TNRC6B: variants seen among roughly 807,000 people sequenced by gnomAD.
TNRC6B encodes trinucleotide repeat-containing gene 6B protein.
In TNRC6B, 52 loss-of-function variants were observed where a neutral mutation model predicts 203.6. The ratio of observed to expected loss-of-function variants is 0.26; its 90% CI spans 0.20 to 0.32. The LOEUF (loss-of-function observed/expected upper bound fraction) is 0.32, where lower values mean the gene tolerates loss of function less well. Among genes scored for constraint, TNRC6B ranks in the 10% least tolerant of loss-of-function variants. The pLI is 1.00. For synonymous variants in TNRC6B, 838 were observed against 845.7 expected (o/e 0.99, Z 0.16); for missense variants, 1,923 against 2,286.2 (o/e 0.84, Z 3.24).
chr22:40,296,059 A>T (rs1601499573), intron 12 of TNRC6B, among the ~76,000 whole-genome samples: 1 of 152,214 alleles, frequency 6.6e-6, no homozygotes, highest in South Asian at 2.1e-4. Context: ...AAAGAGGAAA[A>T]CATATTGGGG....
intron 15 of TNRC6B, chr22:40,301,578 C>CT (rs1393047828): frequency 4.1e-5 from 20 of 485,804 alleles, no homozygotes; most frequent in Admixed American, 3.4e-4. Flanking sequence ...AGCAGTCTTC[C>CT]TTTTTTTTGT....
At chr22:40,132,942 T>TGAAAAATAAAAAATA in intron 3 of TNRC6B, among the ~76,000 whole-genome samples, 1 of 15,310 alleles carries the variant, frequency 6.5e-5, no homozygotes, top group East Asian at 2.3e-3. Flanking sequence ...AGACTCTGTC[T>TGAAAAATAAAAAATA]CAAAAAAAAA....
chr22:40,048,396 C>T (rs1335524151), intron 1 of TNRC6B, among the ~76,000 whole-genome samples: 2 of 152,054 alleles, frequency 1.3e-5, no homozygotes, highest in African/African-American at 2.4e-5. Context: ...AAAAAATTAG[C>T]CGGGTGTGGC....
chr22:40,092,742 C>T (rs1316285270), intron 1 of TNRC6B, among the ~76,000 whole-genome samples: 1 of 152,210 alleles, frequency 6.6e-6, no homozygotes, highest in Non-Finnish European at 1.5e-5. Flanking sequence ...ATGCCGGCCT[C>T]TGGTCTTCAA....
At chr22:40,244,474 T>G (rs1242085824) in intron 1 of TNRC6B, among the ~76,000 whole-genome samples, 1 of 152,184 alleles carries the variant, frequency 6.6e-6, no homozygotes, top group Non-Finnish European at 1.5e-5. Context: ...TCTTTTTTTT[T>G]TTTTCTATAA....
intron 8 of TNRC6B, 32 bp from the exon 9 acceptor site, chr22:40,277,967 T>A: frequency 6.6e-7 from 1 of 1,512,552 alleles, no homozygotes; most frequent in Non-Finnish European, 9.0e-7. Context: ...TGTGCATCCT[T>A]AATTCTCTCT....
chr22:40,082,067 T>C (rs755118417), intron 1 of TNRC6B, among the ~76,000 whole-genome samples: 4 of 152,192 alleles, frequency 2.6e-5, no homozygotes, highest in Non-Finnish European at 4.4e-5. Context: ...TAGTCTCTAT[T>C]CATTGATGCT....
intron 1 of TNRC6B, among the ~76,000 whole-genome samples, chr22:40,220,480 AG>A (rs931177622): frequency 1.2e-4 from 17 of 144,530 alleles, no homozygotes; most frequent in Admixed American, 7.5e-4. Flanking sequence ...GGTGGGGAGG[AG>A]GGGGGGAGGG....
chr22:40,154,858 AAAATATATATATATAT>A (rs1175575559), intron 3 of TNRC6B, among the ~76,000 whole-genome samples: 5 of 34,308 alleles, frequency 1.5e-4, no homozygotes, highest in Non-Finnish European at 2.3e-4. Flanking sequence ...AAAAAAAAAA[AAAATATATATATATAT>A]ATATATATAT....
intron 12 of TNRC6B, among the ~76,000 whole-genome samples, chr22:40,289,010 C>T (rs2146532284): frequency 6.6e-6 from 1 of 151,750 alleles, no homozygotes; most frequent in African/African-American, 2.4e-5. Flanking sequence ...GATGGGGTTT[C>T]ACCATGTTGG....
At chr22:40,271,356 CAAG>C (rs2070560956) in intron 6 of TNRC6B, among the ~76,000 whole-genome samples, 1 of 152,240 alleles carries the variant, frequency 6.6e-6, no homozygotes, top group African/African-American at 2.4e-5. Context: ...AAAATTCAAA[CAAG>C]AAGATAAATT....
rs756869196 is a variant in TNRC6B, at chr22:40,322,850, C to G, written c.5115-4C>G. 6.2e-7 allele frequency: 1 copy of G among 1,613,658 alleles called. No individual in the cohort carries two copies. Among genetic ancestry groups the G allele is most frequent in the Non-Finnish European group, 8.5e-7 (1 of 1,179,878 alleles). On this transcript the variant is annotated splice_region_variant and splice_polypyrimidine_tract_variant and intron_variant, in intron 22 of 22. Transcript: ENST00000454349. ...CATAGCTCTCTTTCCCTCCCTTCTT[C>G]CAGGTGTGTGTTGGGAAACACTACC...
chr22:40,285,583 T>C (rs1385898051), intron 11 of TNRC6B, 62 bp from the exon 12 acceptor site: 1 of 1,573,350 alleles, frequency 6.4e-7, no homozygotes, highest in Non-Finnish European at 8.6e-7. Context: ...AGACCAGAAC[T>C]GTTTCTTACT....
chr22:40,104,991 A>G (rs888362941), intron 1 of TNRC6B, among the ~76,000 whole-genome samples: 4 of 152,314 alleles, frequency 2.6e-5, no homozygotes, highest in African/African-American at 9.6e-5. Context: ...GTCTTGAATA[A>G]CAGCTTGTAG....
intron 1 of TNRC6B, among the ~76,000 whole-genome samples, chr22:40,213,946 G>A (rs1357598277): frequency 2.0e-5 from 3 of 152,112 alleles, no homozygotes. Context: ...GACAGGTACC[G>A]AGGAGAAAGA....
chr22:40,279,471 G>A (rs922373911), intron 9 of TNRC6B, among the ~76,000 whole-genome samples: 3 of 152,342 alleles, frequency 2.0e-5, no homozygotes, highest in Non-Finnish European at 2.9e-5. Context: ...TGTAGGTAAT[G>A]TGGACACATC....
At position 40,280,140 on chromosome 22, in the gene TNRC6B, G is replaced by A. The variant is rs2070704911; in HGVS notation, c.3408G>A (p.Glu1136=). 1.2e-6 allele frequency: 2 copies of A among 1,612,458 alleles called. No individual in the cohort carries two copies. The highest frequency in any genetic ancestry group is 1.7e-6 in the Non-Finnish European group (2 of 1,179,022). The change falls in exon 10 of 23, where the codon GAG becomes GAA. Residue 1136 remains glutamate (E), a synonymous_variant. Transcript: ENST00000454349. The part of the protein sequence containing the change: ...MGTTDSGPYF[E]KLTLPFSNQD... The stretch of plus-strand genomic sequence containing the variant: ...CCACAGATAGTGGGCCTTATTTTGA[G>A]AAGGTGAGTTGAATCCTTTGTTTAA...
Position 40,125,026 on chromosome 22 carries a change from AT to A in TNRC6B, c.-46-745del, listed in dbSNP as rs751828348. On this transcript the variant is annotated intron_variant, in intron 2 of 23. Coordinates refer to the TNRC6B transcript ENST00000301923. ...AGACTGTGTCTCAAAAAAAAAAAAAATATTCCTCAATAATTACATATGTAAT... is the reference window on the plus strand; with the variant it reads ...AGACTGTGTCTCAAAAAAAAAAAAAAATTCCTCAATAATTACATATGTAAT... 7.9e-3 allele frequency among the ~76,000 whole-genome samples: 1,199 copies of A among 151,630 alleles called. 7 individuals are homozygous for A. The highest frequency in any genetic ancestry group is 0.013 in the African/African-American group (535 of 41,032).
At chr22:40,316,389 G>C (rs540920945) in intron 21 of TNRC6B, among the ~76,000 whole-genome samples, 1 of 152,024 alleles carries the variant, frequency 6.6e-6, no homozygotes, top group African/African-American at 2.4e-5. Context: ...GTAAAGATGG[G>C]GGTTGGTTTC....
Sources: gnomAD v4.1 joint callset for allele counts (sites outside exome capture counted in the v4.1 genomes callset) on GRCh38, gnomAD v4.1.1 for gene constraint, MANE v1.5 for transcripts, NCBI Gene and HGNC (gene_info 2026-07-23, HGNC 2026-07-21) for gene names.